The following RASEF variants were observed in gnomAD, a reference collection of about 807,000 sequenced individuals.
RASEF encodes ras and EF-hand domain-containing protein.
Under a neutral mutation model 90.1 loss-of-function variants are expected in RASEF, and 68 were observed. That is an observed-to-expected ratio of 0.75 (90% CI 0.62 to 0.92). The LOEUF (loss-of-function observed/expected upper bound fraction) is 0.92. RASEF is among the 40% of genes least tolerant of loss of function. RASEF has a pLI of 0.00. For missense variants in RASEF, 949 were observed against 937.2 expected, an observed-to-expected ratio of 1.01 and a Z score of -0.16; for synonymous variants, 331 against 345.2, an observed-to-expected ratio of 0.96 and a Z score of 0.46.
At chr9:83,210,353 G>A in the RASEF span, among the ~76,000 whole-genome samples, 1 of 152,196 alleles carries the variant, frequency 6.6e-6, no homozygotes, top group African/African-American at 2.4e-5. Flanking sequence ...CAACTGCCAT[G>A]AAAAAGCATT....
the RASEF span, among the ~76,000 whole-genome samples, chr9:83,099,001 T>G: frequency 2.0e-5 from 3 of 152,210 alleles, no homozygotes; most frequent in African/African-American, 7.2e-5. Context: ...GATCTGAGAA[T>G]AGTGGCTTAT....
chr9:83,085,696 C>T, the RASEF span, among the ~76,000 whole-genome samples: 13 of 151,814 alleles, frequency 8.6e-5, no homozygotes, highest in South Asian at 2.1e-4. Flanking sequence ...GAGGCCGAGG[C>T]GGTGAATCAC....
chr9:83,126,510 T>G, the RASEF span, among the ~76,000 whole-genome samples: 2 of 152,184 alleles, frequency 1.3e-5, no homozygotes, highest in African/African-American at 4.8e-5. Context: ...GGTTTTCCCT[T>G]GAAGGTGATT....
the RASEF span, among the ~76,000 whole-genome samples, chr9:83,171,214 T>C: frequency 6.6e-6 from 1 of 152,052 alleles, no homozygotes; most frequent in Non-Finnish European, 1.5e-5. Flanking sequence ...ATTCTATTAA[T>C]GTGATGTACC....
the RASEF span, among the ~76,000 whole-genome samples, chr9:83,163,206 A>G: frequency 2.0e-5 from 3 of 152,170 alleles, no homozygotes; most frequent in African/African-American, 7.2e-5. Context: ...ATGGCCTCAT[A>G]AAAGACTGAA....
chr9:82,987,914 A>G (rs996340098), intron 16 of RASEF, among the ~76,000 whole-genome samples: 3 of 152,198 alleles, frequency 2.0e-5, no homozygotes, highest in Non-Finnish European at 4.4e-5. Flanking sequence ...TAATCCTCCA[A>G]TATGCTGGGG....
intron 7 of RASEF, 22 bp from the exon 8 acceptor site, chr9:83,005,522 A>C (rs370020988): frequency 6.4e-7 from 1 of 1,565,326 alleles, no homozygotes; most frequent in African/African-American, 1.4e-5. Context: ...AGAAACAAGC[A>C]GAAAGAGAGA....
intron 3 of RASEF, among the ~76,000 whole-genome samples, 178 bp downstream of exon 3, chr9:83,022,158 T>C (rs1251278314): frequency 6.6e-6 from 1 of 152,214 alleles, no homozygotes; most frequent in African/African-American, 2.4e-5. Context: ...TTATTATTTC[T>C]ACTTCTTCTT....
chr9:83,113,810 A>C, the RASEF span, among the ~76,000 whole-genome samples: 1 of 152,154 alleles, frequency 6.6e-6, no homozygotes, highest in African/African-American at 2.4e-5. Context: ...TTATCAAGAC[A>C]ATACGTGCAC....
upstream of RASEF, among the ~76,000 whole-genome samples, chr9:83,067,183 C>T (rs1052426493): frequency 3.9e-5 from 6 of 152,090 alleles, no homozygotes; most frequent in South Asian, 2.1e-4. Context: ...CAGAAAGATC[C>T]GAAATGCCAT....
chr9:83,140,929 G>A, the RASEF span, among the ~76,000 whole-genome samples: 12 of 152,198 alleles, frequency 7.9e-5, no homozygotes, highest in Non-Finnish European at 1.5e-4. Context: ...GATAACCTTA[G>A]GTCAGGAGTT....
At chr9:83,030,118 G>A (rs1426035075) in intron 1 of RASEF, among the ~76,000 whole-genome samples, 2 of 152,152 alleles carry the variant, frequency 1.3e-5, no homozygotes, top group African/African-American at 4.8e-5. Context: ...TGTAATCCCA[G>A]CACTTTGGTG....
chr9:83,182,622 A>G, the RASEF span, among the ~76,000 whole-genome samples: 1 of 152,246 alleles, frequency 6.6e-6, no homozygotes, highest in Non-Finnish European at 1.5e-5. Flanking sequence ...GAATTAGTGT[A>G]AACACTTAGA....
At chr9:83,199,224 TAAAAAAAAAAAA>T in the RASEF span, among the ~76,000 whole-genome samples, 4,468 of 118,666 alleles carry the variant, frequency 0.038, 253 homozygotes, top group African/African-American at 0.13. Flanking sequence ...AGCCCTAATT[TAAAAAAAAAAAA>T]AAAAAAAAAA....
intron 3 of RASEF, among the ~76,000 whole-genome samples, chr9:83,017,499 C>CA (rs35361702): frequency 0.52 from 74,660 of 144,578 alleles, 18,897 homozygotes; most frequent in East Asian, 0.72. Context: ...GACTCTGTCT[C>CA]AAAAAAAAAA....
the RASEF span, among the ~76,000 whole-genome samples, chr9:83,203,671 C>T: frequency 0.012 from 1,887 of 152,124 alleles, 19 homozygotes; most frequent in Non-Finnish European, 0.018. Context: ...GAAGGTGGTA[C>T]GGTGGGGGTC....
intron 13 of RASEF, among the ~76,000 whole-genome samples, chr9:82,997,770 A>G (rs1828948390): frequency 1.3e-5 from 2 of 152,190 alleles, no homozygotes; most frequent in African/African-American, 2.4e-5. Flanking sequence ...GGGGGCAGGT[A>G]TTTGTGCCTG....
At chr9:83,031,453 T>A (rs759029929) in intron 1 of RASEF, among the ~76,000 whole-genome samples, 1 of 152,208 alleles carries the variant, frequency 6.6e-6, no homozygotes, top group East Asian at 1.9e-4. Context: ...TTAATTCTCA[T>A]GACAACTCTA....
chr9:83,016,743 G>A (rs1025418911), intron 3 of RASEF, among the ~76,000 whole-genome samples: 1 of 152,048 alleles, frequency 6.6e-6, no homozygotes, highest in African/African-American at 2.4e-5. Flanking sequence ...GATGTGACAG[G>A]AAGTCAGTCT....
Sources: allele counts gnomAD v4.1 joint callset (sites outside exome capture counted in the v4.1 genomes callset), GRCh38; gene constraint gnomAD v4.1.1; transcripts MANE v1.5; gene names NCBI Gene and HGNC (gene_info 2026-07-23, HGNC 2026-07-21).